The following LGR4 variants were observed in gnomAD, a reference collection of about 807,000 sequenced individuals.
LGR4 encodes leucine rich repeat containing G protein-coupled receptor 4.
In LGR4, 44 loss-of-function variants were observed where a neutral mutation model predicts 84.8. That is an observed-to-expected ratio of 0.52 (90% CI 0.41 to 0.67). The LOEUF (loss-of-function observed/expected upper bound fraction) is 0.67. LGR4 is among the 30% of genes least tolerant of loss of function. The probability of loss-of-function intolerance (pLI) is 0.00; values close to 1 mark genes in which losing one functional copy is unlikely to be tolerated. For missense variants in LGR4, 1,032 were observed against 1,131.4 expected (o/e 0.91, Z 1.26); for synonymous variants, 429 against 434.3 (o/e 0.99, Z 0.15).
At chr11:27,438,544 C>T (rs543201302) in intron 1 of LGR4, among the ~76,000 whole-genome samples, 2 of 152,252 alleles carry the variant, frequency 1.3e-5, no homozygotes, top group African/African-American at 4.8e-5. Flanking sequence ...GGAGTTCCCA[C>T]ATATTTGGTT....
At chr11:27,418,271 G>A (rs1330264354) in intron 1 of LGR4, among the ~76,000 whole-genome samples, 2 of 152,102 alleles carry the variant, frequency 1.3e-5, no homozygotes, top group East Asian at 3.9e-4. Context: ...AACAAGAACA[G>A]CTACATGAAG....
At chr11:27,377,246 A>G (rs1863001833) in intron 11 of LGR4, 23 bp from the exon 12 acceptor site, 1 of 1,202,082 alleles carries the variant, frequency 8.3e-7, no homozygotes, top group African/African-American at 1.5e-5. Context: ...GAAATTAACA[A>G]ATTAATGCTA....
rs1864353627 is a variant in LGR4 at position 27,444,429 on chromosome 11, G to T, written c.185+27689C>A. Among the ~76,000 whole-genome samples the T allele has an allele frequency of 2.6e-5, 4 of 152,098 alleles. No individual in the cohort carries two copies. The South Asian group carries it at 8.3e-4, about 32-fold the overall frequency. ...ATAGCTTAGCACCTACAAACTGAAA[G>T]AAACAGCAAAACATGAAATATTCTT... On this transcript the variant is annotated intron_variant, in intron 1 of 17. Transcript: ENST00000379214.
intron 10 of LGR4, among the ~76,000 whole-genome samples, 184 bp downstream of exon 10, chr11:27,380,087 G>A (rs551796623): frequency 2.0e-5 from 3 of 152,036 alleles, no homozygotes; most frequent in African/African-American, 4.8e-5. Context: ...CCACATAATC[G>A]GCTCTACTCT....
At chr11:27,397,337 T>C (rs1863411056) in intron 2 of LGR4, among the ~76,000 whole-genome samples, 1 of 152,208 alleles carries the variant, frequency 6.6e-6, no homozygotes, top group Non-Finnish European at 1.5e-5. Flanking sequence ...TGGGTGCATC[T>C]TATTCTGCCT....
At chr11:27,433,396 TC>T (rs1457032428) in intron 1 of LGR4, among the ~76,000 whole-genome samples, 17 of 83,850 alleles carry the variant, frequency 2.0e-4, no homozygotes, top group Admixed American at 6.0e-4. Flanking sequence ...TATTTTTATT[TC>T]TTTTTTTTTT....
chr11:27,388,232 G>T (rs1282923174), intron 4 of LGR4, among the ~76,000 whole-genome samples: 1 of 152,128 alleles, frequency 6.6e-6, no homozygotes, highest in East Asian at 1.9e-4. Context: ...TCACATGTGG[G>T]TGTGGTGAGG....
intron 1 of LGR4, among the ~76,000 whole-genome samples, chr11:27,454,590 T>A (rs1454711511): frequency 1.3e-5 from 2 of 152,020 alleles, no homozygotes; most frequent in East Asian, 3.9e-4. Context: ...TGAAACCCTG[T>A]CTCTACTAAA....
At position 27,417,586 on chromosome 11, in the gene LGR4, T is replaced by G. The variant is rs1039412874; in HGVS notation, c.186-4726A>C. ...TTAAGAATTTGATTTCTGACACTAT[T>G]CCATATTTTGGGGCAAGTAATCTCA... is the stretch of plus-strand genomic sequence containing the variant. On this transcript the variant is annotated intron_variant, in intron 1 of 17. Transcript: ENST00000379214. Among the ~76,000 whole-genome samples, 4 of 152,174 alleles carry G rather than the reference T, an allele frequency of 2.6e-5. 1 individual carries two copies. The highest frequency in any genetic ancestry group is 7.2e-5 in the African/African-American group (3 of 41,438).
At chr11:27,411,054 C>T (rs1298142973) in intron 2 of LGR4, among the ~76,000 whole-genome samples, 2 of 152,126 alleles carry the variant, frequency 1.3e-5, no homozygotes, top group South Asian at 2.1e-4. Context: ...AAGGCATCAA[C>T]GAAGATGGTG....
At position 27,376,359 on chromosome 11, in the gene LGR4, C is replaced by A. The variant is rs371443871; in HGVS notation, c.1121G>T (p.Arg374Leu). 1 of 1,538,868 alleles carries A rather than the reference C, an allele frequency of 6.5e-7. No homozygotes were observed. Among genetic ancestry groups the A allele is most frequent in the Non-Finnish European group, 8.9e-7 (1 of 1,120,536 alleles). ...TTCCTTTATTTGGTAGATTTGATTA[C>A]GCTGTAAAGAACTAAATAAAAAAAG... is the stretch of plus-strand genomic sequence containing the variant. ...CHALEEISLQ[R>L]NQIYQIKEGT... The change falls in exon 13 of 18, where the codon CGT becomes CTT. Residue 374 changes from arginine (R) to leucine (L), a missense_variant. Transcript: ENST00000379214.
intron 2 of LGR4, among the ~76,000 whole-genome samples, chr11:27,401,325 G>A (rs1863498854): frequency 6.6e-6 from 1 of 152,164 alleles, no homozygotes; most frequent in South Asian, 2.1e-4. Flanking sequence ...AGTTCCACCT[G>A]CACCGAATTG....
In LGR4 at chr11:27,472,106, G is replaced by A; in HGVS notation, c.185+12C>T. 5.9e-6 allele frequency: 3 copies of A among 508,094 alleles called. No individual in the cohort carries two copies. The highest frequency in any genetic ancestry group is 7.5e-6 in the Non-Finnish European group (3 of 399,346). 31.5% of individuals were successfully genotyped at this position (508,094 alleles called of 1,614,324 possible). ...CCTCCCCCCCCCTCGCGTCCCCGCC[G>A]CCCGCACTCACAGCGCTTGGGTGAA... is the stretch of plus-strand genomic sequence containing the variant. On this transcript the variant is annotated intron_variant, in intron 1 of 17. Coordinates refer to ENST00000379214, the MANE Select transcript of LGR4 (RefSeq NM_018490.5).
At chr11:27,377,797 T>C (rs537630164) in intron 11 of LGR4, among the ~76,000 whole-genome samples, 1 of 152,320 alleles carries the variant, frequency 6.6e-6, no homozygotes, top group South Asian at 2.1e-4. Context: ...TTAAGTTTGA[T>C]ACACCACTAC....
At chr11:27,409,197 C>G (rs185184306) in intron 2 of LGR4, among the ~76,000 whole-genome samples, 162 of 152,164 alleles carry the variant, frequency 1.1e-3, no homozygotes, top group African/African-American at 3.7e-3. Flanking sequence ...AAATACATAT[C>G]ACTCACAGTG....
At chr11:27,392,277 T>C (rs1863299631) in intron 3 of LGR4, among the ~76,000 whole-genome samples, 170 bp downstream of exon 3, 1 of 152,152 alleles carries the variant, frequency 6.6e-6, no homozygotes, top group Non-Finnish European at 1.5e-5. Context: ...TTAATCTAGA[T>C]GCAGGGTTGC....
intron 2 of LGR4, among the ~76,000 whole-genome samples, chr11:27,403,287 C>T (rs1348335539): frequency 6.6e-6 from 1 of 152,098 alleles, no homozygotes; most frequent in Non-Finnish European, 1.5e-5. Context: ...CCAGGGCAAC[C>T]CCATCTCTAC....
At position 27,374,052 on chromosome 11, in the gene LGR4, A is replaced by T. The variant is rs760342251; in HGVS notation, c.1182-6T>A. ...TCAGGTTTCTACTCAGATCTCTGCA[A>T]TTATAAGAGTAACATGTTAATCTTT... On this transcript the variant is annotated splice_region_variant and splice_polypyrimidine_tract_variant and intron_variant, in intron 13 of 17. Coordinates refer to ENST00000379214, the MANE Select transcript of LGR4 (RefSeq NM_018490.5). 16 of 1,590,482 alleles carry T rather than the reference A, an allele frequency of 1.0e-5. No homozygotes were observed. In the African/African-American group the frequency reaches 1.2e-4, roughly 12 times the overall value.
Position 27,367,761 on chromosome 11 carries a change from C to A in LGR4, c.*106G>T. ...CCACCTCTCCTTCTTCTAAGTGACA[C>A]CAGGCAGTGATTACAGAAGTGCTTC... On this transcript the variant is annotated 3_prime_UTR_variant, in exon 18 of 18. Transcript: ENST00000379214. 4 of 771,778 alleles carry A rather than the reference C, an allele frequency of 5.2e-6. No homozygotes were observed. The highest frequency in any genetic ancestry group is 6.2e-6 in the Non-Finnish European group (3 of 482,616). 47.8% of individuals were successfully genotyped at this position (771,778 alleles called of 1,614,324 possible). A position where few individuals can be genotyped will look rare whatever the true frequency, so the allele number is the denominator to read the frequency against.
Sources: allele counts gnomAD v4.1 joint callset (sites outside exome capture counted in the v4.1 genomes callset), GRCh38; gene constraint gnomAD v4.1.1; transcripts MANE v1.5; gene names NCBI Gene and HGNC (gene_info 2026-07-23, HGNC 2026-07-21).